AFF3: variants seen among roughly 807,000 people sequenced by gnomAD.
The protein encoded by AFF3 is ALF transcription elongation factor 3, also known as AF4/FMR2 family member 3.
Under a neutral mutation model 129.7 loss-of-function variants are expected in AFF3, and 32 were observed. That is an observed-to-expected ratio of 0.25 (90% CI 0.19 to 0.33). AFF3 has a LOEUF of 0.33. Among genes scored for constraint, AFF3 ranks in the 10% least tolerant of loss-of-function variants. The pLI is 1.00. For missense variants in AFF3, 1,373 were observed against 1,592.0 expected (o/e 0.86, Z 2.34); for synonymous variants, 644 against 635.4 (o/e 1.01, Z -0.20).
chr2:99,588,840 A>C (rs1678381900), intron 15 of AFF3, among the ~76,000 whole-genome samples: 1 of 152,168 alleles, frequency 6.6e-6, no homozygotes, highest in Admixed American at 6.5e-5. Flanking sequence ...CTGGGGTACT[A>C]ATGCCCAGAA....
intron 4 of AFF3, among the ~76,000 whole-genome samples, chr2:100,066,775 C>T (rs1687755734): frequency 6.6e-6 from 1 of 152,168 alleles, no homozygotes; most frequent in South Asian, 2.1e-4. Context: ...ATCAGATATC[C>T]TTTCTACTCA....
At chr2:99,971,572 C>T (rs1678383587) in intron 7 of AFF3, among the ~76,000 whole-genome samples, 1 of 152,162 alleles carries the variant, frequency 6.6e-6, no homozygotes, top group Non-Finnish European at 1.5e-5. Flanking sequence ...CATGTGTGTG[C>T]CTGTGTCTAC....
intron 13 of AFF3, among the ~76,000 whole-genome samples, chr2:99,634,063 T>C (rs1683387352): frequency 6.6e-6 from 1 of 151,962 alleles, no homozygotes; most frequent in African/African-American, 2.4e-5. Context: ...TACAGGCATG[T>C]GCCACCATGC....
chr2:100,115,956 G>T (rs1461708735), intron 2 of AFF3, among the ~76,000 whole-genome samples: 1 of 151,974 alleles, frequency 6.6e-6, no homozygotes, highest in African/African-American at 2.4e-5. Flanking sequence ...CTCTATAATT[G>T]AAGGTTTTTA....
intron 4 of AFF3, among the ~76,000 whole-genome samples, chr2:100,026,866 TG>T (rs1684092439): frequency 6.7e-6 from 1 of 149,682 alleles, no homozygotes; most frequent in Non-Finnish European, 1.5e-5. Context: ...CACAGATATG[TG>T]GGAGCTAAGC....
At chr2:100,023,574 C>G (rs1683772435) in intron 4 of AFF3, among the ~76,000 whole-genome samples, 1 of 152,090 alleles carries the variant, frequency 6.6e-6, no homozygotes, top group East Asian at 1.9e-4. Context: ...AAGAATACTT[C>G]CTATCACTGA....
intron 4 of AFF3, among the ~76,000 whole-genome samples, chr2:100,083,211 T>C (rs1689157446): frequency 6.6e-6 from 1 of 152,228 alleles, no homozygotes. Flanking sequence ...AGAACAACGG[T>C]ATTTTTCATT....
rs375438355 is a variant in AFF3, at chr2:99,930,695, G to C, written c.873+75937C>G. 2.6e-5 allele frequency among the ~76,000 whole-genome samples: 4 copies of C among 152,172 alleles called. 1 individual carries two copies. The highest frequency in any genetic ancestry group is 3.9e-4 in the East Asian group (2 of 5,194). The stretch of plus-strand genomic sequence containing the variant: ...GAAGATTGGTACCTGCTATGCAGAT[G>C]GGGGGAGGGAAGAAGAGACTAGCCT... On this transcript the variant is annotated intron_variant, in intron 7 of 24. Coordinates refer to ENST00000672756, the MANE Select transcript of AFF3 (RefSeq NM_001386135.1).
chr2:99,746,686 T>C (rs745384863), intron 9 of AFF3, among the ~76,000 whole-genome samples: 126 of 152,350 alleles, frequency 8.3e-4, no homozygotes, highest in Non-Finnish European at 5.9e-5. Context: ...CTATTTTGGA[T>C]AGATGCTGTC....
chr2:99,696,312 G>A (rs1676262320), intron 11 of AFF3, among the ~76,000 whole-genome samples: 1 of 152,132 alleles, frequency 6.6e-6, no homozygotes, highest in Non-Finnish European at 1.5e-5. Context: ...AGAGCATCAA[G>A]GCTCAGGTGA....
intron 13 of AFF3, among the ~76,000 whole-genome samples, chr2:99,619,303 T>C (rs1575523106): frequency 6.6e-6 from 1 of 152,220 alleles, no homozygotes; most frequent in Non-Finnish European, 1.5e-5. Flanking sequence ...TTAAGGATGA[T>C]GAGCGAAAAA....
At chr2:99,802,829 T>C (rs1686050246) in intron 8 of AFF3, among the ~76,000 whole-genome samples, 1 of 151,986 alleles carries the variant, frequency 6.6e-6, no homozygotes, top group African/African-American at 2.4e-5. Flanking sequence ...CTTTACTGAA[T>C]TCATTTATCA....
intron 11 of AFF3, among the ~76,000 whole-genome samples, chr2:99,681,039 G>A (rs1475727706): frequency 6.6e-6 from 1 of 152,142 alleles, no homozygotes; most frequent in African/African-American, 2.4e-5. Context: ...ATAGGTTTGG[G>A]GTGCAATCTG....
At chr2:100,056,392 C>T (rs754185770) in intron 4 of AFF3, among the ~76,000 whole-genome samples, 3 of 152,168 alleles carry the variant, frequency 2.0e-5, no homozygotes, top group African/African-American at 7.2e-5. Context: ...CTGACTTAAG[C>T]TCACCCATCT....
At chr2:100,027,831 T>C (rs1684167629) in intron 4 of AFF3, among the ~76,000 whole-genome samples, 1 of 152,244 alleles carries the variant, frequency 6.6e-6, no homozygotes, top group Non-Finnish European at 1.5e-5. Flanking sequence ...AAGGAAATCA[T>C]CATTAATAAA....
At chr2:99,699,861 G>A (rs1171053713) in intron 11 of AFF3, among the ~76,000 whole-genome samples, 2 of 152,178 alleles carry the variant, frequency 1.3e-5, no homozygotes, top group Non-Finnish European at 2.9e-5. Flanking sequence ...GGGAATCGAG[G>A]GATAAACATG....
rs147843025 is a variant in AFF3, at chr2:99,566,358, A to C, written c.2983-735T>G. On this transcript the variant is annotated intron_variant, in intron 19 of 24. Coordinates refer to ENST00000672756, the MANE Select transcript of AFF3 (RefSeq NM_001386135.1). ...TCAAGGAGCTATTTCAGCTTTGCTA[A>C]AATAGGACAAAAAGTTGAAAATTAT... 2.1e-3 allele frequency among the ~76,000 whole-genome samples: 326 copies of C among 152,222 alleles called. 2 individuals are homozygous for C. Among genetic ancestry groups the C allele is most frequent in the African/African-American group, 7.7e-3 (318 of 41,540 alleles).
At chr2:99,745,492 T>G (rs1254957295) in intron 9 of AFF3, among the ~76,000 whole-genome samples, 2 of 152,224 alleles carry the variant, frequency 1.3e-5, no homozygotes, top group African/African-American at 2.4e-5. Context: ...CATGAAGATT[T>G]AAACCTATGT....
At chr2:99,592,838 A>C (rs1678823176) in intron 15 of AFF3, among the ~76,000 whole-genome samples, 1 of 151,734 alleles carries the variant, frequency 6.6e-6, no homozygotes. Flanking sequence ...TGGGAGGCTG[A>C]GGTAGGAGAA....
Sources: gnomAD v4.1 joint callset for allele counts (sites outside exome capture counted in the v4.1 genomes callset) on GRCh38, gnomAD v4.1.1 for gene constraint, MANE v1.5 for transcripts, NCBI Gene and HGNC (gene_info 2026-07-23, HGNC 2026-07-21) for gene names.